Variants in LTBP2 observed in about 807,000 individuals in gnomAD.
LTBP2 encodes the protein latent transforming growth factor beta binding protein 2.
In LTBP2, 103 loss-of-function variants were observed where a neutral mutation model predicts 210.6. That is an observed-to-expected ratio of 0.49 (90% CI 0.42 to 0.58). LTBP2 has a LOEUF of 0.58. Among genes scored for constraint, LTBP2 ranks in the 20% least tolerant of loss-of-function variants. The pLI, the probability that LTBP2 is intolerant of heterozygous loss-of-function variation, is 0.00. For missense variants in LTBP2, 2,313 were observed against 2,494.5 expected (o/e 0.93, Z 1.55); for synonymous variants, 1,007 against 1,015.0 (o/e 0.99, Z 0.15).
chr14:74,577,195 T>C (rs1021778033), intron 3 of LTBP2, among the ~76,000 whole-genome samples: 1 of 151,882 alleles, frequency 6.6e-6, no homozygotes, highest in African/African-American at 2.4e-5. Flanking sequence ...AAAAAAAGGC[T>C]AAAAAAAGAA....
chr14:74,589,917 T>C (rs980414647), intron 2 of LTBP2, among the ~76,000 whole-genome samples: 7 of 152,158 alleles, frequency 4.6e-5, no homozygotes, highest in Non-Finnish European at 1.0e-4. Context: ...TCTGAGTGTG[T>C]GGTCCTTGCC....
At chr14:74,579,569 T>C (rs755010863) in intron 3 of LTBP2, among the ~76,000 whole-genome samples, 1 of 152,160 alleles carries the variant, frequency 6.6e-6, no homozygotes, top group Non-Finnish European at 1.5e-5. Context: ...TGCTCTGAGG[T>C]AGGGAGCCTC....
rs2088626399 is a variant in LTBP2 at position 74,612,197 on chromosome 14, C to A, written c.-253G>T. 1 of 483,380 alleles carries A rather than the reference C, an allele frequency of 2.1e-6. No homozygotes were observed. The highest frequency in any genetic ancestry group is 3.6e-6 in the Non-Finnish European group (1 of 277,584). The allele number at this position is 483,380 out of a possible 1,614,324, so 29.9% of individuals were successfully genotyped here. A position where few individuals can be genotyped will look rare whatever the true frequency, so the allele number is the denominator to read the frequency against. ...GCACCTTCGCGCCTCCTCCCTGTGC[C>A]TGCAGCCGTCTGAAGGGGACCCGGA... On this transcript the variant is annotated 5_prime_UTR_variant, in exon 1 of 36. In the 5' UTR this introduces an upstream ATG that the reference lacks. Coordinates refer to ENST00000261978, the MANE Select transcript of LTBP2 (RefSeq NM_000428.3).
At position 74,540,877 on chromosome 14, in the gene LTBP2, A is replaced by ATATATATAATATATATATTTATATATAAT. The variant is rs1491410493; in HGVS notation, c.1790-4878_1790-4877insATTATATATAAATATATATATTATATATA. Among the ~76,000 whole-genome samples, 475 of 78,930 alleles carry ATATATATAATATATATATTTATATATAAT rather than the reference A, an allele frequency of 6.0e-3. 153 individuals are homozygous for ATATATATAATATATATATTTATATATAAT. Among genetic ancestry groups the ATATATATAATATATATATTTATATATAAT allele is most frequent in the Admixed American group, 8.8e-3 (42 of 4,748 alleles). The allele number at this position is 78,930 out of a possible 152,430, so 51.8% of individuals were successfully genotyped here. A position where few individuals can be genotyped will look rare whatever the true frequency, so the allele number is the denominator to read the frequency against. ...ATATATTATATATATTTATATATAT[A>ATATATATAATATATATATTTATATATAAT]ATATATATATTATATATTAAAAATA... On this transcript the variant is annotated intron_variant, in intron 8 of 35. Transcript: ENST00000261978.
At chr14:74,595,668 G>T (rs755628947) in intron 2 of LTBP2, among the ~76,000 whole-genome samples, 3 of 152,228 alleles carry the variant, frequency 2.0e-5, no homozygotes, top group Non-Finnish European at 4.4e-5. Flanking sequence ...AAATCAGAGA[G>T]GCCAGGGCAG....
intron 2 of LTBP2, among the ~76,000 whole-genome samples, chr14:74,587,805 C>T (rs762310908): frequency 2.6e-5 from 4 of 152,142 alleles, no homozygotes; most frequent in African/African-American, 7.2e-5. Flanking sequence ...AGGGGCTGGC[C>T]GGGATAAACA....
chr14:74,592,778 G>A (rs564069094), intron 2 of LTBP2, among the ~76,000 whole-genome samples: 34 of 152,234 alleles, frequency 2.2e-4, no homozygotes, highest in Non-Finnish European at 2.1e-4. Flanking sequence ...GCATGATACC[G>A]CGATGTCCAC....
chr14:74,502,148 G>A (rs746641407), intron 34 of LTBP2, among the ~76,000 whole-genome samples: 20 of 152,124 alleles, frequency 1.3e-4, no homozygotes, highest in Non-Finnish European at 2.5e-4. Context: ...GGTGGGTACC[G>A]TGTGCATGGC....
intron 7 of LTBP2, 42 bp from the exon 8 acceptor site, chr14:74,550,007 C>T (rs752162149): frequency 3.1e-6 from 4 of 1,293,846 alleles, no homozygotes; most frequent in South Asian, 2.4e-5. Context: ...ACCCCCCTTC[C>T]CTCCCAGGCT....
At chr14:74,540,797 A>G (rs28722589) in intron 8 of LTBP2, among the ~76,000 whole-genome samples, 56,409 of 70,658 alleles carry the variant, frequency 0.8, 24,146 homozygotes, top group Non-Finnish European at 0.96. Flanking sequence ...ATATATATTT[A>G]TATATATATA....
chr14:74,544,749 G>A (rs935351459), intron 8 of LTBP2, among the ~76,000 whole-genome samples: 2 of 152,086 alleles, frequency 1.3e-5, no homozygotes, highest in Non-Finnish European at 2.9e-5. Context: ...TTTCTTTGTC[G>A]ACTCCTATGA....
intron 3 of LTBP2, among the ~76,000 whole-genome samples, chr14:74,573,907 G>A (rs2088018760): frequency 6.6e-6 from 1 of 152,164 alleles, no homozygotes; most frequent in African/African-American, 2.4e-5. Flanking sequence ...GACTCGGGGA[G>A]GTGAAAGAAC....
chr14:74,506,242 C>T, intron 27 of LTBP2, 51 bp from the exon 28 acceptor site: 8 of 1,613,022 alleles, frequency 5.0e-6, no homozygotes, highest in South Asian at 1.1e-5. Context: ...AGCCCGTGCC[C>T]CCTGCCCCTG....
chr14:74,587,881 C>G (rs529928597), intron 2 of LTBP2, among the ~76,000 whole-genome samples: 1 of 152,318 alleles, frequency 6.6e-6, no homozygotes, highest in East Asian at 1.9e-4. Flanking sequence ...CTTCAGGATT[C>G]AAGTCCATAG....
intron 1 of LTBP2, among the ~76,000 whole-genome samples, chr14:74,607,199 C>G (rs1439081063): frequency 6.6e-6 from 1 of 152,176 alleles, no homozygotes; most frequent in African/African-American, 2.4e-5. Context: ...ATCCTTCTAA[C>G]CTAATGATGT....
Position 74,553,010 on chromosome 14 carries a change from G to A in LTBP2, c.1074C>T (p.Thr358=), listed in dbSNP as rs1179860172. ...CACGGGCACAGGTCTGCTTGCAGAT[G>A]GTGGGAGTGAAGACGATCTTGATCT... ...IKKIKIVFTP[T]ICKQTCARGH... The change falls in exon 5 of 36, where the codon ACC becomes ACT. Residue 358 remains threonine, a synonymous_variant. Transcript: ENST00000261978. 1.2e-6 allele frequency: 2 copies of A among 1,614,086 alleles called. No individual in the cohort carries two copies. The highest frequency in any genetic ancestry group is 1.7e-6 in the Non-Finnish European group (2 of 1,180,038).
In LTBP2 at chr14:74,551,278, A is replaced by G; in HGVS notation, c.1472T>C (p.Val491Ala). ...PPEASVQIHQ[V>A]AQVRGGVEEA... The stretch of plus-strand genomic sequence containing the variant: ...CTCCACCCCGCCCCGCACCTGGGCC[A>G]CCTGGTGGATCTGCACTGAGGCCTC... Residue 491 changes from valine to alanine, a missense_variant, in exon 7 of 36, where the codon GTG (valine) becomes GCG (alanine). By Grantham distance (64) the Val-to-Ala change is moderately conservative. Transcript: ENST00000261978. 1 of 1,608,850 alleles carries G rather than the reference A, an allele frequency of 6.2e-7. No homozygotes were observed. The highest frequency in any genetic ancestry group is 8.5e-7 in the Non-Finnish European group (1 of 1,177,936).
intron 19 of LTBP2, among the ~76,000 whole-genome samples, chr14:74,511,034 A>G (rs1281373095): frequency 2.0e-5 from 3 of 152,226 alleles, no homozygotes; most frequent in Admixed American, 1.3e-4. Flanking sequence ...AATATGGCCA[A>G]AGAGGAGAAA....
intron 8 of LTBP2, among the ~76,000 whole-genome samples, chr14:74,547,527 A>G (rs1344155118): frequency 6.6e-6 from 1 of 152,028 alleles, no homozygotes; most frequent in Non-Finnish European, 1.5e-5. Flanking sequence ...TTGGCAGCTG[A>G]GCCCACTCTT....
Sources: gnomAD v4.1 joint callset for allele counts (sites outside exome capture counted in the v4.1 genomes callset) on GRCh38, gnomAD v4.1.1 for gene constraint, MANE v1.5 for transcripts, NCBI Gene and HGNC (gene_info 2026-07-23, HGNC 2026-07-21) for gene names.